The following INSR variants were observed in gnomAD, a reference collection of about 807,000 sequenced individuals.
INSR encodes IR.
In INSR, 67 loss-of-function variants were observed where a neutral mutation model predicts 142.6. That is an observed-to-expected ratio of 0.47 (90% CI 0.39 to 0.58). The LOEUF (loss-of-function observed/expected upper bound fraction) is 0.58, where lower values mean the gene tolerates loss of function less well. INSR is among the 20% of genes least tolerant of loss of function. The pLI is 0.00. For synonymous variants in INSR, 756 were observed against 743.1 expected, an observed-to-expected ratio of 1.02 and a Z score of -0.28; for missense variants, 1,248 against 1,833.2, an observed-to-expected ratio of 0.68 and a Z score of 5.83.
chr19:7,230,214 T>G (rs1975927857), intron 2 of INSR, among the ~76,000 whole-genome samples: 2 of 152,148 alleles, frequency 1.3e-5, no homozygotes, highest in African/African-American at 2.4e-5. Context: ...AAGATGGATT[T>G]GAAGGCCATG....
chr19:7,127,149 C>CA (rs1286321073), intron 15 of INSR, among the ~76,000 whole-genome samples: 7 of 152,158 alleles, frequency 4.6e-5, no homozygotes, highest in African/African-American at 1.7e-4. Flanking sequence ...CCTCCTGCCT[C>CA]ATCCTCCCGA....
intron 11 of INSR, among the ~76,000 whole-genome samples, chr19:7,147,445 G>C (rs571742977): frequency 6.6e-6 from 1 of 152,098 alleles, no homozygotes; most frequent in Non-Finnish European, 1.5e-5. Context: ...AAAGTGCTGC[G>C]ATTACAGGTG....
chr19:7,292,491 C>G, intron 1 of INSR, among the ~76,000 whole-genome samples: 1 of 147,618 alleles, frequency 6.8e-6, no homozygotes, highest in South Asian at 2.2e-4. Flanking sequence ...GGGCCCGGGG[C>G]TTTTAGACAT....
chr19:7,163,643 G>A (rs566322369), intron 8 of INSR, among the ~76,000 whole-genome samples: 2 of 151,992 alleles, frequency 1.3e-5, no homozygotes, highest in South Asian at 4.2e-4. Context: ...AACGGAGGTG[G>A]CCGAGGGAGC....
intron 2 of INSR, among the ~76,000 whole-genome samples, chr19:7,251,814 ATTTG>A (rs1600094477): frequency 6.6e-6 from 1 of 152,092 alleles, no homozygotes; most frequent in East Asian, 1.9e-4. Context: ...TAGGCTATTC[ATTTG>A]TTTGGTGTGG....
intron 2 of INSR, among the ~76,000 whole-genome samples, chr19:7,258,156 C>T (rs1475094751): frequency 1.3e-5 from 2 of 152,160 alleles, no homozygotes; most frequent in Non-Finnish European, 2.9e-5. Context: ...TTAAGCCAGG[C>T]AAGCACAGTG....
chr19:7,277,182 G>A (rs1968085213), intron 1 of INSR, among the ~76,000 whole-genome samples: 1 of 152,092 alleles, frequency 6.6e-6, no homozygotes, highest in African/African-American at 2.4e-5. Context: ...TTAGAGCTTG[G>A]ACACACTGGG....
chr19:7,284,931 C>G (rs1002849358), intron 1 of INSR, among the ~76,000 whole-genome samples: 1 of 152,180 alleles, frequency 6.6e-6, no homozygotes, highest in Non-Finnish European at 1.5e-5. Flanking sequence ...GAGACTCGTA[C>G]TTATGAGTGT....
At chr19:7,255,014 C>A (rs1386313229) in intron 2 of INSR, among the ~76,000 whole-genome samples, 3 of 151,304 alleles carry the variant, frequency 2.0e-5, no homozygotes, top group African/African-American at 7.3e-5. Flanking sequence ...CCTCCCCCGG[C>A]CCCCCTCCCC....
Position 7,192,898 on chromosome 19 carries a change from G to C in INSR, c.653-8261C>G, listed in dbSNP as rs1383275876. ...ACTATACACTGCTGAGAAGATCAGG[G>C]ACTAAAATCTAACTAAGTTGACGGA... On this transcript the variant is annotated intron_variant, in intron 2 of 21. Coordinates refer to ENST00000302850, the MANE Select transcript of INSR (RefSeq NM_000208.4). The surrounding 1 kb of genome is among the most constrained non-coding windows in gnomAD (Gnocchi z 4.2). 6.6e-6 allele frequency among the ~76,000 whole-genome samples: 1 copy of C among 152,048 alleles called. No individual in the cohort carries two copies. The highest frequency in any genetic ancestry group is 2.4e-5 in the African/African-American group (1 of 41,398).
At chr19:7,144,456 T>C (rs58074314) in intron 11 of INSR, among the ~76,000 whole-genome samples, 19,666 of 152,114 alleles carry the variant, frequency 0.13, 2,271 homozygotes, top group African/African-American at 0.31. Context: ...CAGGCTGGAG[T>C]GCGACGGCGT....
chr19:7,162,889 A>C, intron 9 of INSR, 143 bp downstream of exon 9: 1 of 722,478 alleles, frequency 1.4e-6, no homozygotes, highest in Non-Finnish European at 2.5e-6. Context: ...GTGTTTTCAT[A>C]TGAGATAGAA....
In INSR at chr19:7,172,467, T is replaced by C. The variant is rs1974040101; in HGVS notation, c.1124-33A>G. ...AAGGAGAGAATATCCAGTGGGTTTC[T>C]ATAGACATATTTCAATCTTCTCATG... is the stretch of plus-strand genomic sequence containing the variant. On this transcript the variant is annotated intron_variant, in intron 4 of 21. Coordinates refer to ENST00000302850, the MANE Select transcript of INSR (RefSeq NM_000208.4). The C allele has an allele frequency of 1.9e-6, 3 of 1,608,496 alleles. No individual in the cohort carries two copies. In the African/African-American group the frequency reaches 4.0e-5, roughly 21 times the overall value.
chr19:7,163,836 AG>A (rs1311382748), intron 8 of INSR, among the ~76,000 whole-genome samples: 3 of 147,076 alleles, frequency 2.0e-5, no homozygotes, highest in African/African-American at 7.5e-5. Flanking sequence ...CCAGCACTTT[AG>A]AAGGCCGAGG....
At chr19:7,252,857 TG>T (rs1268248121) in intron 2 of INSR, among the ~76,000 whole-genome samples, 1 of 152,028 alleles carries the variant, frequency 6.6e-6, no homozygotes, top group Non-Finnish European at 1.5e-5. Context: ...GGCTCACGCC[TG>T]TAATCCCAGC....
intron 2 of INSR, among the ~76,000 whole-genome samples, chr19:7,253,220 A>T (rs1466360272): frequency 7.1e-6 from 1 of 140,512 alleles, no homozygotes; most frequent in Non-Finnish European, 1.6e-5. Flanking sequence ...GTAATTTTTT[A>T]TTTATTTATT....
chr19:7,182,451 T>G (rs970067094), intron 3 of INSR, among the ~76,000 whole-genome samples: 2 of 152,146 alleles, frequency 1.3e-5, no homozygotes, highest in Admixed American at 1.3e-4. Flanking sequence ...AGGCAGAGGT[T>G]GCAGTGAGCT....
rs1296971272 is a variant in INSR at position 7,150,454 on chromosome 19, C to T, written c.2267+43G>A. 6.2e-7 allele frequency: 1 copy of T among 1,604,622 alleles called. No individual in the cohort carries two copies. The highest frequency in any genetic ancestry group is 8.5e-7 in the Non-Finnish European group (1 of 1,171,768). ...GGCATCTGCCTGGCACGCCGCCGGC[C>T]CTGCGCGGAGCAGGCACCAGGGGTC... On this transcript the variant is annotated intron_variant, in intron 11 of 21. Coordinates refer to ENST00000302850, the MANE Select transcript of INSR (RefSeq NM_000208.4). The surrounding 1 kb of genome is among the most constrained non-coding windows in gnomAD (Gnocchi z 4.2).
intron 2 of INSR, among the ~76,000 whole-genome samples, chr19:7,195,275 G>A (rs1211857087): frequency 6.6e-6 from 1 of 152,002 alleles, no homozygotes; most frequent in Non-Finnish European, 1.5e-5. Flanking sequence ...AAATATTTGT[G>A]TAGCTTTCTT....
Sources: gnomAD v4.1 joint callset for allele counts (sites outside exome capture counted in the v4.1 genomes callset) on GRCh38, gnomAD v4.1.1 for gene constraint, Gnocchi (gnomAD v3.1) non-coding constraint, MANE v1.5 for transcripts, NCBI Gene and HGNC (gene_info 2026-07-23, HGNC 2026-07-21) for gene names.